Variants in DLG2 observed in about 807,000 individuals in gnomAD.
DLG2 encodes disks large homolog 2.
DLG2 carries 45 observed loss-of-function variants against 132.5 expected under a neutral mutation model. That is an observed-to-expected ratio of 0.34 (90% confidence interval 0.27 to 0.44). DLG2 has a LOEUF of 0.44. DLG2 is among the 20% of genes least tolerant of loss of function. The pLI is 1.00. For synonymous variants in DLG2, 424 were observed against 419.6 expected (o/e 1.01, Z -0.13); for missense variants, 1,045 against 1,196.9 (o/e 0.87, Z 1.87).
intron 3 of DLG2, among the ~76,000 whole-genome samples, chr11:85,347,734 G>C (rs957442374): frequency 1.3e-5 from 2 of 150,554 alleles, no homozygotes; most frequent in South Asian, 4.2e-4. Context: ...AAGTTTTCCC[G>C]TGTCTCCTAC....
intron 6 of DLG2, among the ~76,000 whole-genome samples, chr11:84,853,363 C>T (rs951010453): frequency 6.6e-6 from 1 of 151,920 alleles, no homozygotes; most frequent in African/African-American, 2.4e-5. Context: ...ATATTACTCA[C>T]TGGGGAACTG....
rs149746456 is a variant in DLG2 at position 84,077,358 on chromosome 11, T to C, written c.750-17874A>G. ...TGATTTTGCCAAATCTAATGAGATC[T>C]CGTTAGTTCTCATTTTGGTCCATCT... On this transcript the variant is annotated intron_variant, in intron 10 of 27. Transcript: ENST00000376104. Among the ~76,000 whole-genome samples, 420 of 152,330 alleles carry C rather than the reference T, an allele frequency of 2.8e-3. 1 individual carries two copies. Among genetic ancestry groups the C allele is most frequent in the African/African-American group, 8.9e-3 (370 of 41,572 alleles).
intron 7 of DLG2, among the ~76,000 whole-genome samples, chr11:84,373,270 C>CAAAAAAAAAAAAAAAAAAA (rs1299753951): frequency 2.2e-5 from 1 of 45,168 alleles, no homozygotes; most frequent in African/African-American, 8.9e-5. Flanking sequence ...AAAAACAAAA[C>CAAAAAAAAAAAAAAAAAAA]AAAAAAAAAA....
chr11:85,621,560 G>C (rs1446764514), intron 2 of DLG2, among the ~76,000 whole-genome samples: 1 of 152,182 alleles, frequency 6.6e-6, no homozygotes, highest in Non-Finnish European at 1.5e-5. Flanking sequence ...CGGGAGTTTG[G>C]AAGACATTCA....
chr11:84,040,760 A>C (rs1206189027), intron 11 of DLG2, among the ~76,000 whole-genome samples: 2 of 150,800 alleles, frequency 1.3e-5, no homozygotes, highest in East Asian at 2.0e-4. Context: ...CTGTGAAGAA[A>C]GTCATTGGTA....
intron 6 of DLG2, chr11:84,890,897 G>A (rs1327028783): frequency 6.6e-6 from 1 of 152,218 alleles, no homozygotes; most frequent in East Asian, 1.9e-4. Context: ...CATGCTGGGG[G>A]ACAGAGCAGC....
At chr11:85,410,540 A>G (rs1187886240) in intron 3 of DLG2, among the ~76,000 whole-genome samples, 4 of 151,822 alleles carry the variant, frequency 2.6e-5, no homozygotes, top group African/African-American at 9.7e-5. Flanking sequence ...TGAATGTACA[A>G]ATTTAAGATG....
In DLG2 at chr11:84,086,416, A is replaced by C. The variant is rs932025787; in HGVS notation, c.749+12507T>G. ...GCATAATTCAGTGTTTTTTTAGTAC[A>C]GTCACAGAGTTGTCCAATTGCCCTA... On this transcript the variant is annotated intron_variant, in intron 10 of 27. Transcript: ENST00000376104. Among the ~76,000 whole-genome samples, 6 of 152,000 alleles carry C rather than the reference A, an allele frequency of 3.9e-5. No individual in the cohort carries two copies. The East Asian group carries it at 1.2e-3, about 29-fold the overall frequency.
intron 6 of DLG2, among the ~76,000 whole-genome samples, chr11:84,677,514 T>C (rs1349646345): frequency 1.3e-5 from 2 of 152,006 alleles, no homozygotes; most frequent in Non-Finnish European, 2.9e-5. Flanking sequence ...AATCCTTCCT[T>C]ATAAGAATAG....
chr11:84,978,356 T>A (rs1322649799), intron 6 of DLG2, among the ~76,000 whole-genome samples: 1 of 152,064 alleles, frequency 6.6e-6, no homozygotes. Context: ...GCCAAGACAA[T>A]CCTAAGCCAA....
intron 7 of DLG2, among the ~76,000 whole-genome samples, chr11:84,306,973 C>T (rs1190083879): frequency 2.0e-5 from 3 of 152,170 alleles, no homozygotes; most frequent in African/African-American, 4.8e-5. Flanking sequence ...CCATTCAACC[C>T]AACAAACCCA....
At chr11:84,237,880 A>C (rs533892811) in intron 8 of DLG2, among the ~76,000 whole-genome samples, 1 of 151,982 alleles carries the variant, frequency 6.6e-6, no homozygotes, top group African/African-American at 2.4e-5. Context: ...TACTAAAAAG[A>C]AAGAGAAAAA....
At chr11:84,893,067 C>T (rs1309249208) in intron 6 of DLG2, among the ~76,000 whole-genome samples, 2 of 152,110 alleles carry the variant, frequency 1.3e-5, no homozygotes, top group African/African-American at 4.8e-5. Context: ...TTGACGCGTA[C>T]TCTTCTTGTC....
rs149594179 is a variant in DLG2, at chr11:84,152,769, T to C, written c.624+10692A>G. On this transcript the variant is annotated intron_variant, in intron 9 of 27. Transcript: ENST00000376104. Reference sequence around the variant, plus strand: ...TGGTTGTCATTATATGTAAGACAGGTCTCTTGAAGACACTTGGGTCTTGTT... The same window carrying C: ...TGGTTGTCATTATATGTAAGACAGGCCTCTTGAAGACACTTGGGTCTTGTT... Among the ~76,000 whole-genome samples, 341 of 152,288 alleles carry C rather than the reference T, an allele frequency of 2.2e-3. 1 individual carries two copies. Among genetic ancestry groups the C allele is most frequent in the Non-Finnish European group, 3.8e-3 (257 of 68,028 alleles).
At chr11:84,184,403 G>T (rs1316592204) in intron 8 of DLG2, among the ~76,000 whole-genome samples, 1 of 151,508 alleles carries the variant, frequency 6.6e-6, no homozygotes, top group Non-Finnish European at 1.5e-5. Context: ...CATATCCTTC[G>T]CCCACTTTTT....
intron 15 of DLG2, among the ~76,000 whole-genome samples, chr11:83,882,259 C>T (rs1391506538): frequency 1.3e-5 from 2 of 152,094 alleles, no homozygotes; most frequent in African/African-American, 4.8e-5. Context: ...AATCTTGACC[C>T]TCACATATAA....
chr11:85,205,181 A>ATATATATATAG, intron 4 of DLG2, among the ~76,000 whole-genome samples: 1 of 145,148 alleles, frequency 6.9e-6, no homozygotes, highest in Non-Finnish European at 1.5e-5. Context: ...TATATATATA[A>ATATATATATAG]CAATGGAATA....
intron 7 of DLG2, among the ~76,000 whole-genome samples, chr11:84,442,676 T>C (rs1019433322): frequency 2.0e-5 from 3 of 150,960 alleles, no homozygotes; most frequent in Admixed American, 6.6e-5. Flanking sequence ...ATTCTGCACA[T>C]GTATCCCAGA....
intron 6 of DLG2, among the ~76,000 whole-genome samples, chr11:85,018,915 A>G (rs768244042): frequency 1.2e-4 from 19 of 152,084 alleles, no homozygotes; most frequent in Non-Finnish European, 2.2e-4. Context: ...AACAAATCTT[A>G]AGACTATAAC....
Sources: gnomAD v4.1 joint callset for allele counts (sites outside exome capture counted in the v4.1 genomes callset) on GRCh38, gnomAD v4.1.1 for gene constraint, MANE v1.5 for transcripts, NCBI Gene and HGNC (gene_info 2026-07-23, HGNC 2026-07-21) for gene names.